The following GNG7 variants were observed in gnomAD, a reference collection of about 807,000 sequenced individuals.
GNG7 encodes the protein G protein subunit gamma 7.
A neutral mutation model predicts 4.0 loss-of-function variants in GNG7; 1 was observed. That is an observed-to-expected ratio of 0.25 (90% CI 0.09 to 1.18). The LOEUF is 1.18. Among genes scored for constraint, GNG7 ranks in the 50% most tolerant of loss-of-function variants. The pLI, the probability that GNG7 is intolerant of heterozygous loss-of-function variation, is 0.50. For synonymous variants in GNG7, 34 were observed against 36.9 expected (o/e 0.92, Z 0.29); for missense variants, 86 against 91.9 (o/e 0.94, Z 0.26).
chr19:2,601,440 A>C (rs979323050), intron 2 of GNG7, among the ~76,000 whole-genome samples: 1 of 152,118 alleles, frequency 6.6e-6, no homozygotes, highest in East Asian at 1.9e-4. Context: ...ATACATGTAC[A>C]TGCTTGCAAT....
rs557359171 is a variant in GNG7, at chr19:2,593,443, T to A, written c.-77-38255A>T. Among the ~76,000 whole-genome samples the A allele has an allele frequency of 3.7e-4, 57 of 152,302 alleles. 1 individual carries two copies. In the South Asian group the frequency reaches 0.011, roughly 30 times the overall value. On this transcript the variant is annotated intron_variant, in intron 2 of 4. Coordinates refer to ENST00000382159, the MANE Select transcript of GNG7 (RefSeq NM_052847.3). ...AAGCCTTCAAGCTGCTCTAAAGATT[T>A]CAAAAGTATTAAGAGTAGGACTGGG... is the stretch of plus-strand genomic sequence containing the variant.
At chr19:2,531,785 A>G (rs1165166834) in intron 3 of GNG7, among the ~76,000 whole-genome samples, 1 of 146,348 alleles carries the variant, frequency 6.8e-6, no homozygotes, top group Non-Finnish European at 1.5e-5. Flanking sequence ...AAAAAAAAAA[A>G]TGCACAATAC....
intron 2 of GNG7, among the ~76,000 whole-genome samples, chr19:2,589,802 G>A (rs1213084204): frequency 2.6e-5 from 4 of 152,138 alleles, no homozygotes; most frequent in Non-Finnish European, 2.9e-5. Context: ...CACACAGTGT[G>A]TGATCCCATT....
At chr19:2,669,494 CAAACAAACAA>C (rs1983396111) in intron 1 of GNG7, among the ~76,000 whole-genome samples, 1 of 151,672 alleles carries the variant, frequency 6.6e-6, no homozygotes, top group African/African-American at 2.4e-5. Context: ...TGTCTCAAAA[CAAACAAACAA>C]AAACAAACAC....
At position 2,618,342 on chromosome 19, in the gene GNG7, GGTGTGTGTGTGTGTGT is replaced by G. The variant is rs35982775; in HGVS notation, c.-78+27866_-78+27881del. The stretch of plus-strand genomic sequence containing the variant: ...TTCTCTTTTCTACCTGTATGTGTGT[GGTGTGTGTGTGTGTGT>G]GTGTGTGTGTGTGTGTATCTCACTC... On this transcript the variant is annotated intron_variant, in intron 2 of 4. Coordinates refer to ENST00000382159, the MANE Select transcript of GNG7 (RefSeq NM_052847.3). The surrounding 1 kb of genome is among the most constrained non-coding windows in gnomAD (Gnocchi z 5.1). Among the ~76,000 whole-genome samples, 1 of 146,400 alleles carries G rather than the reference GGTGTGTGTGTGTGTGT, an allele frequency of 6.8e-6. No homozygotes were observed. Among genetic ancestry groups the G allele is most frequent in the Non-Finnish European group, 1.5e-5 (1 of 66,098 alleles).
At chr19:2,651,573 C>CTT (rs1418319669) in intron 1 of GNG7, among the ~76,000 whole-genome samples, 8 of 138,916 alleles carry the variant, frequency 5.8e-5, no homozygotes, top group South Asian at 2.4e-4. Context: ...CTCTCTCTCT[C>CTT]TCTTTTTTTT....
intron 3 of GNG7, among the ~76,000 whole-genome samples, chr19:2,523,297 A>C (rs1489607368): frequency 1.3e-5 from 2 of 151,812 alleles, no homozygotes; most frequent in Non-Finnish European, 2.9e-5. Flanking sequence ...CTTGCCTGTA[A>C]TACCAGCACT....
At chr19:2,676,514 C>T (rs932177972) in intron 1 of GNG7, among the ~76,000 whole-genome samples, 1 of 152,156 alleles carries the variant, frequency 6.6e-6, no homozygotes, top group Non-Finnish European at 1.5e-5. Flanking sequence ...CTGGCTCAAG[C>T]GATCCTCCCA....
At position 2,618,656 on chromosome 19, in the gene GNG7, T is replaced by C. The variant is rs77870199; in HGVS notation, c.-78+27568A>G. On this transcript the variant is annotated intron_variant, in intron 2 of 4. Transcript: ENST00000382159. This position sits in a 1 kb window ranked among gnomAD's most constrained non-coding sequence, Gnocchi z 5.1. ...GAGCCACCGTGCCCAGCCTGTTCTA[T>C]TTTTTTTTTAATAAACAATTTTATT... Among the ~76,000 whole-genome samples the C allele has an allele frequency of 1.4e-5, 2 of 147,866 alleles. No individual in the cohort carries two copies. The highest frequency in any genetic ancestry group is 4.2e-4 in the South Asian group (2 of 4,718).
intron 2 of GNG7, among the ~76,000 whole-genome samples, chr19:2,581,758 G>A (rs1456223619): frequency 1.3e-5 from 2 of 152,222 alleles, no homozygotes; most frequent in African/African-American, 4.8e-5. Context: ...ATGGTCTAAG[G>A]TGTAGGCTCT....
At position 2,681,877 on chromosome 19, in the gene GNG7, G is replaced by A. The variant is rs145684561; in HGVS notation, c.-135+20769C>T. Among the ~76,000 whole-genome samples the A allele has an allele frequency of 6.8e-4, 103 of 152,224 alleles. 1 individual carries two copies. Among genetic ancestry groups the A allele is most frequent in the Admixed American group, 3.5e-3 (54 of 15,290 alleles). The stretch of plus-strand genomic sequence containing the variant: ...TTTGCATTTCCCTGAGGACTGATGC[G>A]GAGCATGTTTTCAAGTGAAACTGAT... On this transcript the variant is annotated intron_variant, in intron 1 of 4. Coordinates refer to ENST00000382159, the MANE Select transcript of GNG7 (RefSeq NM_052847.3).
chr19:2,585,420 C>T (rs1175677543), intron 2 of GNG7, among the ~76,000 whole-genome samples: 4 of 151,882 alleles, frequency 2.6e-5, no homozygotes, highest in African/African-American at 4.8e-5. Context: ...ACACGGTGAA[C>T]GATGGAGTGA....
chr19:2,549,299 T>TA (rs1406315442), intron 3 of GNG7, among the ~76,000 whole-genome samples: 1 of 150,588 alleles, frequency 6.6e-6, no homozygotes, highest in Non-Finnish European at 1.5e-5. Context: ...CTGTGTTTTT[T>TA]TTTTTTTCTT....
At chr19:2,581,113 C>G (rs1477637013) in intron 2 of GNG7, among the ~76,000 whole-genome samples, 5 of 152,156 alleles carry the variant, frequency 3.3e-5, no homozygotes, top group Middle Eastern at 3.4e-3. Context: ...CCTCGTCTTC[C>G]CCTCATATCA....
Position 2,611,010 on chromosome 19 carries a change from G to GC in GNG7, c.-78+35213_-78+35214insG, listed in dbSNP as rs370341959. 1.6e-5 allele frequency: 2 copies of GC among 121,886 alleles called. No individual in the cohort carries two copies. The highest frequency in any genetic ancestry group is 5.8e-5 in the African/African-American group (2 of 34,596). The allele number at this position is 121,886 out of a possible 1,614,324, so 7.6% of individuals were successfully genotyped here. ...CGGGCTCACGTGCCAGGCTCGGGGG[G>GC]GGGGAAGCGTCCTCAACATTCTCAG... On this transcript the variant is annotated intron_variant, in intron 2 of 4. Transcript: ENST00000382159. The surrounding 1 kb of genome is among the most constrained non-coding windows in gnomAD (Gnocchi z 6.0).
intron 1 of GNG7, among the ~76,000 whole-genome samples, chr19:2,657,841 CA>C (rs1481937404): frequency 6.6e-6 from 1 of 152,154 alleles, no homozygotes; most frequent in East Asian, 1.9e-4. Flanking sequence ...ATAGCAGTAA[CA>C]GAATTAGTGA....
At chr19:2,537,694 A>T (rs570753416) in intron 3 of GNG7, among the ~76,000 whole-genome samples, 3 of 151,700 alleles carry the variant, frequency 2.0e-5, no homozygotes, top group South Asian at 2.1e-4. Flanking sequence ...GTGAAGCTGG[A>T]GGCGGGAAAC....
intron 1 of GNG7, among the ~76,000 whole-genome samples, chr19:2,684,524 A>G (rs2144903068): frequency 6.6e-6 from 1 of 152,184 alleles, no homozygotes; most frequent in South Asian, 2.1e-4. Flanking sequence ...TGGTCCATAC[A>G]CACCCCGGAG....
chr19:2,528,269 TAAAA>T (rs59084924), intron 3 of GNG7, among the ~76,000 whole-genome samples: 3 of 78,838 alleles, frequency 3.8e-5, no homozygotes, highest in African/African-American at 1.1e-4. Flanking sequence ...AGACCCTGTC[TAAAA>T]AAAAAAAAAA....
Sources: gnomAD v4.1 joint callset for allele counts (sites outside exome capture counted in the v4.1 genomes callset) on GRCh38, gnomAD v4.1.1 for gene constraint, Gnocchi (gnomAD v3.1) non-coding constraint, MANE v1.5 for transcripts, NCBI Gene and HGNC (gene_info 2026-07-23, HGNC 2026-07-21) for gene names.